Variants in ACSM3 observed in about 807,000 individuals in gnomAD.
ACSM3 encodes acyl-coenzyme A synthetase ACSM3, mitochondrial.
A neutral mutation model predicts 74.1 loss-of-function variants in ACSM3; 61 were observed. The ratio of observed to expected loss-of-function variants is 0.82; its 90% CI spans 0.67 to 1.02. The LOEUF (loss-of-function observed/expected upper bound fraction) is 1.02. Ranked by LOEUF, ACSM3 falls within the 50% of genes least tolerant of loss-of-function variation. The probability of loss-of-function intolerance (pLI) is 0.00; values close to 1 mark genes in which losing one functional copy is unlikely to be tolerated. For synonymous variants in ACSM3, 213 were observed against 241.5 expected, an observed-to-expected ratio of 0.88 and a Z score of 1.09; for missense variants, 660 against 697.0, an observed-to-expected ratio of 0.95 and a Z score of 0.60.
chr16:20,741,974 C>A (rs1243258188), intron 1 of ACSM3: 23 of 1,524,380 alleles, frequency 1.5e-5, no homozygotes, highest in Non-Finnish European at 1.9e-5. Context: ...AACCTGAATC[C>A]AGTAGAGGCA....
At chr16:20,734,188 AAAC>A (rs2079849138) in intron 1 of ACSM3, 1 of 152,656 alleles carries the variant, frequency 6.6e-6, no homozygotes, top group Non-Finnish European at 1.5e-5. Flanking sequence ...CACAAAGTAA[AAAC>A]AATTTAGTTC....
At chr16:20,709,587 G>C (rs1809243798) in intron 1 of ACSM3, among the ~76,000 whole-genome samples, 1 of 152,098 alleles carries the variant, frequency 6.6e-6, no homozygotes, top group African/African-American at 2.4e-5. Context: ...TTATTTATAA[G>C]TCATTAAGAA....
chr16:20,729,098 ACT>A lies in ACSM3; in HGVS notation c.-189-20809_-189-20808del, dbSNP rs1279860975. On this transcript the variant is annotated intron_variant, in intron 1 of 3. Transcript: ENST00000561584. The stretch of plus-strand genomic sequence containing the variant: ...AGTCCAGCATGGGCAACAGAAAGAG[ACT>A]CTGTCTCAAAATATAAAATAAATAA... 2.5e-5 allele frequency: 11 copies of A among 445,606 alleles called. No homozygotes were observed. In the Admixed American group the frequency reaches 2.9e-4, roughly 12 times the overall value. 27.6% of individuals were successfully genotyped at this position (445,606 alleles called of 1,614,324 possible).
intron 1 of ACSM3, among the ~76,000 whole-genome samples, chr16:20,730,970 C>T (rs532854207): frequency 6.6e-6 from 1 of 152,284 alleles, no homozygotes; most frequent in East Asian, 1.9e-4. Flanking sequence ...AAGCATCCTC[C>T]CGCCTCAGCC....
Position 20,676,626 on chromosome 16 carries a change from G to C in ACSM3, c.-190+1804G>C, listed in dbSNP as rs540043048. Among the ~76,000 whole-genome samples the C allele has an allele frequency of 1.0e-3, 152 of 152,270 alleles. 1 individual carries two copies. The highest frequency in any genetic ancestry group is 3.5e-3 in the African/African-American group (146 of 41,544). On this transcript the variant is annotated intron_variant, in intron 1 of 3. Coordinates refer to the ACSM3 transcript ENST00000561584. ...AGGAGGCAGAGAAGAAAGCTGATCA[G>C]AGGCTTAACAAAGGCTAATTTACTA...
intron 2 of ACSM3, among the ~76,000 whole-genome samples, chr16:20,751,776 G>C (rs1048990188): frequency 2.0e-5 from 3 of 152,098 alleles, no homozygotes; most frequent in Non-Finnish European, 4.4e-5. Context: ...TCCCTTGGGG[G>C]TTTTATGAGA....
chr16:20,690,213 T>C (rs559140635), intron 1 of ACSM3, among the ~76,000 whole-genome samples: 13 of 152,296 alleles, frequency 8.5e-5, no homozygotes, highest in Admixed American at 5.9e-4. Context: ...TCCAATTCCA[T>C]CTCAGGGGGA....
chr16:20,713,350 T>C (rs2079750232), intron 1 of ACSM3, among the ~76,000 whole-genome samples: 1 of 152,230 alleles, frequency 6.6e-6, no homozygotes, highest in Admixed American at 6.5e-5. Flanking sequence ...TAGTGGTATT[T>C]ATATTATTTG....
intron 3 of ACSM3, among the ~76,000 whole-genome samples, chr16:20,758,224 T>C (rs1307051453): frequency 1.3e-5 from 2 of 152,222 alleles, no homozygotes; most frequent in African/African-American, 2.4e-5. Context: ...AGTTCCTCCT[T>C]GTACCTCTGG....
intron 10 of ACSM3, chr16:20,791,068 G>C (rs2080586631): frequency 1.3e-6 from 1 of 796,424 alleles, no homozygotes; most frequent in African/African-American, 1.7e-5. Flanking sequence ...GGGGTGGTGG[G>C]ATTAAGCAAA....
intron 1 of ACSM3, among the ~76,000 whole-genome samples, chr16:20,710,770 A>G (rs1279248663): frequency 6.6e-6 from 1 of 151,966 alleles, no homozygotes; most frequent in Non-Finnish European, 1.5e-5. Flanking sequence ...TAAGCTGTAA[A>G]GTGCTATTTA....
At chr16:20,750,669 C>G (rs183445806) in intron 2 of ACSM3, among the ~76,000 whole-genome samples, 2 of 152,264 alleles carry the variant, frequency 1.3e-5, no homozygotes, top group East Asian at 3.9e-4. Flanking sequence ...ATTTCTGCAG[C>G]CTAGCCTAGC....
Position 20,790,460 on chromosome 16 carries a change from C to G in ACSM3, c.1225-127C>G. On this transcript the variant is annotated intron_variant, in intron 9 of 13. Transcript: ENST00000289416. This position sits in a 1 kb window ranked among gnomAD's most constrained non-coding sequence, Gnocchi z 4.0. ...TGACAAAGTGAGACCTTGTCTCACA[C>G]ACACAAAATTTTTTTTAAGTCTTCA... 1 of 859,616 alleles carries G rather than the reference C, an allele frequency of 1.2e-6. No homozygotes were observed. The highest frequency in any genetic ancestry group is 1.8e-6 in the Non-Finnish European group (1 of 549,382). The allele number at this position is 859,616 out of a possible 1,614,324, so 53.2% of individuals were successfully genotyped here.
chr16:20,715,758 CT>C (rs1238277096), intron 1 of ACSM3, among the ~76,000 whole-genome samples: 1 of 152,154 alleles, frequency 6.6e-6, no homozygotes, highest in Non-Finnish European at 1.5e-5. Flanking sequence ...TTCAAAAATC[CT>C]TAGATATTGT....
chr16:20,742,813 A>ATATTT (rs61582869), intron 1 of ACSM3, among the ~76,000 whole-genome samples: 6 of 66,820 alleles, frequency 9.0e-5, no homozygotes, highest in South Asian at 8.9e-4. Context: ...ATATATATAT[A>ATATTT]TTTTTTTTTT....
intron 1 of ACSM3, among the ~76,000 whole-genome samples, chr16:20,744,669 C>G (rs974362218): frequency 5.3e-5 from 8 of 152,206 alleles, no homozygotes; most frequent in Non-Finnish European, 5.9e-5. Flanking sequence ...CAGGCATGAG[C>G]CACTGCGCCC....
At chr16:20,753,584 T>C (rs234284) in intron 2 of ACSM3, among the ~76,000 whole-genome samples, 1,862 of 152,112 alleles carry the variant, frequency 0.012, 38 homozygotes, top group African/African-American at 0.042. Flanking sequence ...AAAAGAGTCC[T>C]TATCTTTTAG....
At chr16:20,796,344 C>A (rs1415982524) in intron 12 of ACSM3, 26 bp from the exon 13 acceptor site, 1 of 1,601,024 alleles carries the variant, frequency 6.2e-7, no homozygotes, top group East Asian at 2.2e-5. Context: ...AACTCATTTT[C>A]CTGGTGTTTC....
intron 1 of ACSM3, chr16:20,733,641 AAG>A (rs1484845613): frequency 1.3e-5 from 2 of 152,058 alleles, no homozygotes; most frequent in East Asian, 1.9e-4. Context: ...GTCAGAAAGA[AAG>A]AAAAAATATT....
Sources: gnomAD v4.1 joint callset for allele counts (sites outside exome capture counted in the v4.1 genomes callset) on GRCh38, gnomAD v4.1.1 for gene constraint, Gnocchi (gnomAD v3.1) non-coding constraint, MANE v1.5 for transcripts, NCBI Gene and HGNC (gene_info 2026-07-23, HGNC 2026-07-21) for gene names.